SERINC2: variants seen among roughly 807,000 people sequenced by gnomAD.
SERINC2 encodes tumor differentially expressed protein 2.
Under a neutral mutation model 54.2 loss-of-function variants are expected in SERINC2, and 56 were observed. The observed-to-expected ratio is 1.03, with a 90% confidence interval of 0.83 to 1.29. The LOEUF (loss-of-function observed/expected upper bound fraction) is 1.29. Among genes scored for constraint, SERINC2 ranks in the 50% most tolerant of loss-of-function variants. The probability of loss-of-function intolerance (pLI) is 0.00; values close to 1 mark genes in which losing one functional copy is unlikely to be tolerated. For synonymous variants in SERINC2, 272 were observed against 253.1 expected, an observed-to-expected ratio of 1.07 and a Z score of -0.71; for missense variants, 614 against 607.4, an observed-to-expected ratio of 1.01 and a Z score of -0.12.
At position 31,426,677 on chromosome 1, in the gene SERINC2, T is replaced by C. The variant is rs1302807639; in HGVS notation, c.634T>C (p.Phe212Leu). 6.2e-7 allele frequency: 1 copy of C among 1,612,734 alleles called. No individual in the cohort carries two copies. The highest frequency in any genetic ancestry group is 1.7e-5 in the Admixed American group (1 of 59,956). ...AGGCCTCTTCTTCTTCACTCTCCTC[T>C]TCTACTTGCTGTCGATCGCGGCCGT... ...YAGLFFFTLL[F>L]YLLSIAAVAL... The change falls in exon 6 of 10, where the codon TTC becomes CTC. Residue 212 changes from phenylalanine (F) to leucine (L), a missense_variant. Physicochemically the swap from Phe to Leu is conservative, Grantham distance 22 (BLOSUM62 0). Coordinates refer to ENST00000373709, the MANE Select transcript of SERINC2 (RefSeq NM_178865.5).
chr1:31,414,326 T>C, intron 1 of SERINC2: 4 of 1,237,728 alleles, frequency 3.2e-6, no homozygotes, highest in East Asian at 3.9e-5. Context: ...GGCAGCCCCC[T>C]CCCCCTCTGG....
intron 1 of SERINC2, chr1:31,414,255 T>C: frequency 7.5e-7 from 1 of 1,334,850 alleles, no homozygotes; most frequent in South Asian, 2.0e-5. Flanking sequence ...CCGTTCTCCC[T>C]TCCCTTTCCC....
At chr1:31,432,138 C>T (rs190281690) in intron 8 of SERINC2, among the ~76,000 whole-genome samples, 1,157 of 5,296 alleles carry the variant, frequency 0.22, 93 homozygotes, top group Non-Finnish European at 0.23. Flanking sequence ...ATAGGGTGGA[C>T]AGGGTGGACA....
chr1:31,425,620 C>T (rs1641019858), intron 4 of SERINC2, among the ~76,000 whole-genome samples, 156 bp from the exon 5 acceptor site: 2 of 152,190 alleles, frequency 1.3e-5, no homozygotes. Context: ...TTGCCCCGAC[C>T]CATATCCTGC....
In SERINC2 at chr1:31,413,327, G is replaced by T; in HGVS notation, c.39+23G>T. The stretch of plus-strand genomic sequence containing the variant: ...TGCGTGAGTCCCGACCCCGGCGCCC[G>T]CCCGCGCGCGCCGCCCGTTCCTGCT... On this transcript the variant is annotated intron_variant, in intron 1 of 9. Transcript: ENST00000373709. This position sits in a 1 kb window ranked among gnomAD's most constrained non-coding sequence, Gnocchi z 5.0. 8.2e-7 allele frequency: 1 copy of T among 1,223,440 alleles called. No individual in the cohort carries two copies. The highest frequency in any genetic ancestry group is 1.0e-6 in the Non-Finnish European group (1 of 974,008). The allele number at this position is 1,223,440 out of a possible 1,614,324, so 75.8% of individuals were successfully genotyped here.
At position 31,413,491 on chromosome 1, in the gene SERINC2, C is replaced by T. The variant is rs1440155456; in HGVS notation, c.39+187C>T. Among the ~76,000 whole-genome samples the T allele has an allele frequency of 6.6e-6, 1 of 152,084 alleles. No individual in the cohort carries two copies. The highest frequency in any genetic ancestry group is 1.5e-5 in the Non-Finnish European group (1 of 67,970). On this transcript the variant is annotated intron_variant, in intron 1 of 9. Coordinates refer to ENST00000373709, the MANE Select transcript of SERINC2 (RefSeq NM_178865.5). The surrounding 1 kb of genome is among the most constrained non-coding windows in gnomAD (Gnocchi z 5.0). ...GCACCCGGATCCCGCTGCCCCCGTC[C>T]CCCTGCTCAGTCCTGGCCGGCAGGC...
chr1:31,419,838 A>G (rs1640864609), intron 1 of SERINC2, among the ~76,000 whole-genome samples: 1 of 150,902 alleles, frequency 6.6e-6, no homozygotes, highest in Non-Finnish European at 1.5e-5. Flanking sequence ...TGAAACAAAA[A>G]CCAAGAAACC....
At position 31,434,371 on chromosome 1, in the gene SERINC2, C is replaced by T; in HGVS notation, c.*172C>T. On this transcript the variant is annotated 3_prime_UTR_variant, in exon 10 of 10. Transcript: ENST00000373709. ...CTTCTAGTCGTAGTGCCTTCAGGGT[C>T]CGAGGAGCATCAGGCTCCTGCAGAG... 1.5e-6 allele frequency: 1 copy of T among 645,510 alleles called. No individual in the cohort carries two copies. Among genetic ancestry groups the T allele is most frequent in the Non-Finnish European group, 2.6e-6 (1 of 378,684 alleles). The allele number at this position is 645,510 out of a possible 1,614,324, so 40.0% of individuals were successfully genotyped here.
chr1:31,432,924 C>A lies in SERINC2; in HGVS notation c.1014-43C>A. ...CATTTGTGTCCAGTGTTATGAGCAA[C>A]GCCAGAGCTATCTATTTGCCCACCT... On this transcript the variant is annotated intron_variant, in intron 8 of 9. Coordinates refer to ENST00000373709, the MANE Select transcript of SERINC2 (RefSeq NM_178865.5). 1.3e-6 allele frequency: 2 copies of A among 1,484,312 alleles called. 1 individual carries two copies. The highest frequency in any genetic ancestry group is 2.4e-5 in the South Asian group (2 of 84,094). The allele number at this position is 1,484,312 out of a possible 1,614,324, so 91.9% of individuals were successfully genotyped here.
Position 31,426,712 on chromosome 1 carries a change from G to A in SERINC2, c.669G>A (p.Met223Ile), listed in dbSNP as rs1553133689. ...TGTCGATCGCGGCCGTGGCGCTGAT[G>A]TTCATGTACTACACTGAGCCCAGCG... Reference protein sequence around the residue: ...YLLSIAAVALMFMYYTEPSGC... With the variant: ...YLLSIAAVALIFMYYTEPSGC... The change falls in exon 6 of 10, where the codon ATG becomes ATA. Residue 223 changes from methionine (M) to isoleucine (I), a missense_variant. Coordinates refer to ENST00000373709, the MANE Select transcript of SERINC2 (RefSeq NM_178865.5). 3 of 1,614,042 alleles carry A rather than the reference G, an allele frequency of 1.9e-6. No homozygotes were observed. The highest frequency in any genetic ancestry group is 2.5e-6 in the Non-Finnish European group (3 of 1,179,930).
At chr1:31,429,275 C>T in intron 7 of SERINC2, 122 bp from the exon 8 acceptor site, 2 of 1,281,520 alleles carry the variant, frequency 1.6e-6, no homozygotes, top group East Asian at 2.3e-5. Flanking sequence ...GTTGCTGGGA[C>T]TTGAGTGGTT....
chr1:31,431,846 TGGA>T (rs1553134547), intron 8 of SERINC2, among the ~76,000 whole-genome samples: 2 of 146,854 alleles, frequency 1.4e-5, no homozygotes, highest in Non-Finnish European at 3.0e-5. Context: ...GTGGATAGGG[TGGA>T]TAGGGTGGAT....
intron 1 of SERINC2, among the ~76,000 whole-genome samples, chr1:31,420,887 G>C (rs1640887683): frequency 6.6e-6 from 1 of 152,192 alleles, no homozygotes; most frequent in African/African-American, 2.4e-5. Context: ...TCAACTTGCT[G>C]TGTGACCTCT....
At chr1:31,416,622 G>C (rs1305248482) in intron 1 of SERINC2, among the ~76,000 whole-genome samples, 1 of 152,184 alleles carries the variant, frequency 6.6e-6, no homozygotes, top group Non-Finnish European at 1.5e-5. Flanking sequence ...GGCCAGTTTT[G>C]CATTTTTTAA....
At position 31,424,861 on chromosome 1, in the gene SERINC2, C is replaced by T. The variant is rs1269356185; in HGVS notation, c.380C>T (p.Ala127Val). 6.2e-7 allele frequency: 1 copy of T among 1,611,054 alleles called. No individual in the cohort carries two copies. The highest frequency in any genetic ancestry group is 8.5e-7 in the Non-Finnish European group (1 of 1,179,304). The change falls in exon 3 of 10, where the codon GCC becomes GTC. Residue 127 changes from alanine (A) to valine (V), a missense_variant. Coordinates refer to ENST00000373709, the MANE Select transcript of SERINC2 (RefSeq NM_178865.5). ...CVSSSRDPRA[A>V]IQNGFWFFKF... Reference sequence around the variant, plus strand: ...AGCAGCAGCCGGGACCCCCGGGCTGCCATCCAGAATGGGTGAGAGAGGGGT... The same window carrying T: ...AGCAGCAGCCGGGACCCCCGGGCTGTCATCCAGAATGGGTGAGAGAGGGGT...
At chr1:31,409,889 T>G, upstream of SERINC2, 2 of 1,520,288 alleles carry the variant, frequency 1.3e-6, no homozygotes, top group East Asian at 2.4e-5. Context: ...TTGGGGGCAC[T>G]GAGGCGGGGG....
intron 6 of SERINC2, 114 bp from the exon 7 acceptor site, chr1:31,428,864 T>TG: frequency 1.4e-6 from 1 of 720,818 alleles, no homozygotes; most frequent in African/African-American, 2.4e-5. Context: ...TGGGGTGTGG[T>TG]GGGGTATCCT....
rs1019823642 is a variant in SERINC2 at position 31,432,891 on chromosome 1, T to C, written c.1014-76T>C. ...TAACCGGGTCGCTGGCCTCTGAGGCTCTGGGACCATTTGTGTCCAGTGTTA... is the reference window on the plus strand; with the variant it reads ...TAACCGGGTCGCTGGCCTCTGAGGCCCTGGGACCATTTGTGTCCAGTGTTA... On this transcript the variant is annotated intron_variant, in intron 8 of 9. Transcript: ENST00000373709. 6.5e-6 allele frequency: 8 copies of C among 1,229,410 alleles called. No homozygotes were observed. In the South Asian group the frequency reaches 1.1e-4, roughly 17 times the overall value. The allele number at this position is 1,229,410 out of a possible 1,614,324, so 76.2% of individuals were successfully genotyped here. A position where few individuals can be genotyped will look rare whatever the true frequency, so the allele number is the denominator to read the frequency against.
chr1:31,433,134 G>C lies in SERINC2; in HGVS notation c.1181G>C (p.Cys394Ser). The C allele has an allele frequency of 6.2e-7, 1 of 1,613,772 alleles. No homozygotes were observed. Among genetic ancestry groups the C allele is most frequent in the Non-Finnish European group, 8.5e-7 (1 of 1,180,024 alleles). Reference sequence around the variant, plus strand: ...TACAGCTACTCCTTCTTCCACTTCTGCCTGGTGCTGGCCTCACTGCACGTC... The same window carrying C: ...TACAGCTACTCCTTCTTCCACTTCTCCCTGGTGCTGGCCTCACTGCACGTC... ...VTYSYSFFHF[C>S]LVLASLHVMM... is the part of the protein sequence containing the mutation. The change falls in exon 9 of 10, where the codon TGC becomes TCC. Residue 394 changes from cysteine (C) to serine (S), a missense_variant. Physicochemically the swap from Cys to Ser is moderately radical, Grantham distance 112. Transcript: ENST00000373709.
Sources: gnomAD v4.1 joint callset for allele counts (sites outside exome capture counted in the v4.1 genomes callset) on GRCh38, gnomAD v4.1.1 for gene constraint, Gnocchi (gnomAD v3.1) non-coding constraint, MANE v1.5 for transcripts, NCBI Gene and HGNC (gene_info 2026-07-23, HGNC 2026-07-21) for gene names.